Variants in GNG10 observed in about 807,000 individuals in gnomAD.
The protein encoded by GNG10 is G protein subunit gamma 10.
In GNG10, 7 loss-of-function variants were observed where a neutral mutation model predicts 6.8. That is an observed-to-expected ratio of 1.02 (90% CI 0.58 to 1.92). The LOEUF (loss-of-function observed/expected upper bound fraction) is 1.92. GNG10 is among the 30% of genes most tolerant of loss of function. GNG10 has a pLI of 0.00. For synonymous variants in GNG10, 28 were observed against 34.8 expected (o/e 0.80, Z 0.69); for missense variants, 57 against 86.1 (o/e 0.66, Z 1.34).
intron 1 of GNG10, among the ~76,000 whole-genome samples, chr9:111,664,005 T>C (rs1010324894): frequency 6.6e-6 from 1 of 151,470 alleles, no homozygotes; most frequent in Admixed American, 6.6e-5. Flanking sequence ...TTTTTTTTTT[T>C]TGTATTTTTA....
chr9:111,667,015 C>A, intron 2 of GNG10, 69 bp downstream of exon 2: 1 of 1,564,750 alleles, frequency 6.4e-7, no homozygotes, highest in Non-Finnish European at 8.7e-7. Flanking sequence ...AGGACTTGAG[C>A]AACTGAGTTT....
chr9:111,668,896 T>TG (rs1830954827), intron 2 of GNG10, among the ~76,000 whole-genome samples: 1 of 152,018 alleles, frequency 6.6e-6, no homozygotes, highest in Non-Finnish European at 1.5e-5. Flanking sequence ...TTGCTCTTGT[T>TG]TCCAGGCTGC....
At chr9:111,662,252 T>C (rs567887227) in intron 1 of GNG10, among the ~76,000 whole-genome samples, 11 of 151,694 alleles carry the variant, frequency 7.3e-5, no homozygotes, top group Non-Finnish European at 1.3e-4. Context: ...ATCCGGGAGG[T>C]ATTTGTCCTC....
At chr9:111,664,628 A>G (rs1830871814) in intron 1 of GNG10, among the ~76,000 whole-genome samples, 1 of 152,138 alleles carries the variant, frequency 6.6e-6, no homozygotes, top group South Asian at 2.1e-4. Context: ...GCTTGCAAGT[A>G]TTTGGGCTTA....
rs188810652 is a variant in GNG10, at chr9:111,663,438, T to C, written c.81+1723T>C. ...GGTCTGGCCAGAAAGAGGCTGAGCCTAGATGGATAGAGAAGGAATGCAGCC... is the reference window on the plus strand; with the variant it reads ...GGTCTGGCCAGAAAGAGGCTGAGCCCAGATGGATAGAGAAGGAATGCAGCC... On this transcript the variant is annotated intron_variant, in intron 1 of 2. Transcript: ENST00000374293. Among the ~76,000 whole-genome samples the C allele has an allele frequency of 3.9e-3, 585 of 149,886 alleles. 5 individuals carry two copies. Among genetic ancestry groups the C allele is most frequent in the African/African-American group, 0.014 (563 of 40,730 alleles).
At chr9:111,668,891 C>T (rs77915523) in intron 2 of GNG10, among the ~76,000 whole-genome samples, 77 of 151,970 alleles carry the variant, frequency 5.1e-4, no homozygotes, top group Admixed American at 1.0e-3. Context: ...GAGTTTTGCT[C>T]TTGTTTCCAG....
At chr9:111,665,021 T>C (rs1169962142) in intron 1 of GNG10, among the ~76,000 whole-genome samples, 1 of 152,216 alleles carries the variant, frequency 6.6e-6, no homozygotes, top group Non-Finnish European at 1.5e-5. Flanking sequence ...TTTATATTCA[T>C]ATAATATGGA....
chr9:111,666,789 GC>G, intron 1 of GNG10, 25 bp from the exon 2 acceptor site: 3 of 1,609,300 alleles, frequency 1.9e-6, no homozygotes, highest in Non-Finnish European at 2.5e-6. Flanking sequence ...TGAGCAGGGT[GC>G]CATGTTGCTG....
intron 2 of GNG10, among the ~76,000 whole-genome samples, chr9:111,668,572 C>T (rs1404514059): frequency 6.6e-6 from 1 of 151,894 alleles, no homozygotes; most frequent in Non-Finnish European, 1.5e-5. Context: ...GCAACCTCCA[C>T]CTCCCAGGTT....
At position 111,663,945 on chromosome 9, in the gene GNG10, C is replaced by T. The variant is rs531107202; in HGVS notation, c.81+2230C>T. Among the ~76,000 whole-genome samples, 415 of 151,490 alleles carry T rather than the reference C, an allele frequency of 2.7e-3. 3 individuals are homozygous for T. The highest frequency in any genetic ancestry group is 4.2e-3 in the Non-Finnish European group (282 of 67,864). ...AAGCGATTCTCCTGCCTCAGCCTCCCGAGTAGCTGGGATTACGGGCACCTG... is the reference window on the plus strand; with the variant it reads ...AAGCGATTCTCCTGCCTCAGCCTCCTGAGTAGCTGGGATTACGGGCACCTG... On this transcript the variant is annotated intron_variant, in intron 1 of 2. Transcript: ENST00000374293.
intron 1 of GNG10, among the ~76,000 whole-genome samples, chr9:111,664,710 A>G (rs886473081): frequency 6.6e-6 from 1 of 151,892 alleles, no homozygotes; most frequent in Non-Finnish European, 1.5e-5. Context: ...CTCTTCTCTT[A>G]TTTTCTCTGC....
At position 111,661,823 on chromosome 9, in the gene GNG10, A is replaced by T; in HGVS notation, c.81+108A>T. The T allele has an allele frequency of 1.9e-6, 1 of 538,758 alleles. No individual in the cohort carries two copies. The allele number at this position is 538,758 out of a possible 1,614,324, so 33.4% of individuals were successfully genotyped here. Reference sequence around the variant, plus strand: ...AGCGGGGGACTCGGTGGCGGCGGCGAGGCCTCGGCGGGGCGCGGGGGCGGT... The same window carrying T: ...AGCGGGGGACTCGGTGGCGGCGGCGTGGCCTCGGCGGGGCGCGGGGGCGGT... On this transcript the variant is annotated intron_variant, in intron 1 of 2. Transcript: ENST00000374293. The surrounding 1 kb of genome is among the most constrained non-coding windows in gnomAD (Gnocchi z 6.1).
intron 2 of GNG10, among the ~76,000 whole-genome samples, chr9:111,668,150 C>G (rs1217814689): frequency 6.6e-6 from 1 of 152,088 alleles, no homozygotes; most frequent in Non-Finnish European, 1.5e-5. Flanking sequence ...GGATTACAGG[C>G]GTGACACAAT....
At chr9:111,662,406 A>G (rs2131278443) in intron 1 of GNG10, among the ~76,000 whole-genome samples, 1 of 152,174 alleles carries the variant, frequency 6.6e-6, no homozygotes, top group South Asian at 2.1e-4. Context: ...AGAAGAGGAA[A>G]TAAGAGACAG....
chr9:111,665,980 C>T (rs938575828), intron 1 of GNG10, among the ~76,000 whole-genome samples: 2 of 151,060 alleles, frequency 1.3e-5, no homozygotes, highest in African/African-American at 4.9e-5. Flanking sequence ...GTGATCTGCC[C>T]CCGCTTGGGC....
chr9:111,663,991 C>CTTTT (rs568835533), intron 1 of GNG10, among the ~76,000 whole-genome samples: 73 of 135,952 alleles, frequency 5.4e-4, no homozygotes, highest in African/African-American at 1.7e-3. Flanking sequence ...CACTAATTGG[C>CTTTT]TTTTTTTTTT....
In GNG10 at chr9:111,661,892, G is replaced by C. The variant is rs1249261348; in HGVS notation, c.81+177G>C. ...GGGCGCGGGGCAAGCCGGGGGCCCGGGCCTGACGGGAGGAAGCCGCGCCTG... is the reference window on the plus strand; with the variant it reads ...GGGCGCGGGGCAAGCCGGGGGCCCGCGCCTGACGGGAGGAAGCCGCGCCTG... On this transcript the variant is annotated intron_variant, in intron 1 of 2. Coordinates refer to ENST00000374293, the MANE Select transcript of GNG10 (RefSeq NM_001017998.4). This position sits in a 1 kb window ranked among gnomAD's most constrained non-coding sequence, Gnocchi z 6.1. 1.3e-5 allele frequency among the ~76,000 whole-genome samples: 2 copies of C among 151,450 alleles called. No homozygotes were observed.
Position 111,661,707 on chromosome 9 carries a change from AG to A in GNG10, c.75del (p.Ile26SerfsTer52). 7.3e-7 allele frequency: 1 copy of A among 1,367,416 alleles called. No individual in the cohort carries two copies. Among genetic ancestry groups the A allele is most frequent in the South Asian group, 1.5e-5 (1 of 65,228 alleles). 84.7% of individuals were successfully genotyped at this position (1,367,416 alleles called of 1,614,324 possible). A position where few individuals can be genotyped will look rare whatever the true frequency, so the allele number is the denominator to read the frequency against. On this transcript the variant is annotated frameshift_variant, in exon 1 of 3. Coordinates refer to ENST00000374293, the MANE Select transcript of GNG10 (RefSeq NM_001017998.4). LOFTEE classifies it high-confidence loss of function. This position sits in a 1 kb window ranked among gnomAD's most constrained non-coding sequence, Gnocchi z 6.1. ...GCTCAAGTTGGAGGCTGGCGTGGAG[AG>A]GATCAAGGTGCGGGCCCCGGGTACC... Reference protein sequence around the residue: ...EQLKLEAGVERIKVSQAAAEL... With the variant: ...EQLKLEAGVEXIKVSQAAAEL...
chr9:111,665,411 G>T (rs535315101), intron 1 of GNG10, among the ~76,000 whole-genome samples: 3 of 152,302 alleles, frequency 2.0e-5, no homozygotes, highest in South Asian at 2.1e-4. Flanking sequence ...CTAGGTTCAG[G>T]TGTACAGTTC....
Sources: gnomAD v4.1 joint callset for allele counts (sites outside exome capture counted in the v4.1 genomes callset) on GRCh38, gnomAD v4.1.1 for gene constraint, Gnocchi (gnomAD v3.1) non-coding constraint, MANE v1.5 for transcripts, NCBI Gene and HGNC (gene_info 2026-07-23, HGNC 2026-07-21) for gene names.